The following RIMBP2 variants were observed in gnomAD, a reference collection of about 807,000 sequenced individuals.
RIMBP2 encodes the protein RIMS-binding protein 2.
Under a neutral mutation model 118.6 loss-of-function variants are expected in RIMBP2, and 48 were observed. The ratio of observed to expected loss-of-function variants is 0.40; its 90% CI spans 0.32 to 0.51. The LOEUF (loss-of-function observed/expected upper bound fraction) is 0.51, where lower values mean the gene tolerates loss of function less well. RIMBP2 is among the 20% of genes least tolerant of loss of function. RIMBP2 has a pLI of 0.41. For missense variants in RIMBP2, 1,551 were observed against 1,768.3 expected, an observed-to-expected ratio of 0.88 and a Z score of 2.20; for synonymous variants, 762 against 742.9, an observed-to-expected ratio of 1.03 and a Z score of -0.42.
chr12:130,501,520 G>T (rs2138688803), intron 4 of RIMBP2, among the ~76,000 whole-genome samples: 1 of 152,330 alleles, frequency 6.6e-6, no homozygotes, highest in African/African-American at 2.4e-5. Context: ...GCAGTGCCAT[G>T]TCAGTTTACC....
chr12:130,580,886 G>C (rs1002078734), intron 2 of RIMBP2, among the ~76,000 whole-genome samples: 1 of 152,048 alleles, frequency 6.6e-6, no homozygotes, highest in Admixed American at 6.5e-5. Context: ...GTTGCAGTGA[G>C]CCGAGAAACA....
chr12:130,520,087 G>A (rs1370170334), intron 2 of RIMBP2, among the ~76,000 whole-genome samples: 1 of 152,182 alleles, frequency 6.6e-6, no homozygotes, highest in East Asian at 1.9e-4. Context: ...TTGCAAGAAA[G>A]GAGCACAGGG....
intron 2 of RIMBP2, among the ~76,000 whole-genome samples, chr12:130,594,925 C>T (rs764989245): frequency 6.6e-6 from 1 of 152,192 alleles, no homozygotes; most frequent in Non-Finnish European, 1.5e-5. Flanking sequence ...GGGAGTAATA[C>T]AATGAAACAC....
intron 1 of RIMBP2, among the ~76,000 whole-genome samples, chr12:130,699,424 T>C (rs966432653): frequency 3.9e-5 from 6 of 152,066 alleles, no homozygotes; most frequent in African/African-American, 1.4e-4. Context: ...TCATGTCCTT[T>C]GTAGGGACAT....
In RIMBP2 at chr12:130,669,461, G is replaced by A. The variant is rs189977185; in HGVS notation, c.-351-41005C>T. 1.8e-4 allele frequency among the ~76,000 whole-genome samples: 27 copies of A among 152,142 alleles called. No individual in the cohort carries two copies. The East Asian group carries it at 3.7e-3, about 21-fold the overall frequency. ...GTGGGAGGTGATTGCACCACGGGGCGGTTTCCCCGTGCTGTTCTCGCGAGA... is the reference window on the plus strand; with the variant it reads ...GTGGGAGGTGATTGCACCACGGGGCAGTTTCCCCGTGCTGTTCTCGCGAGA... On this transcript the variant is annotated intron_variant, in intron 1 of 22. Coordinates refer to ENST00000690449, the MANE Select transcript of RIMBP2 (RefSeq NM_001393629.1).
chr12:130,674,600 T>TTTTAA (rs2064356560), intron 1 of RIMBP2, among the ~76,000 whole-genome samples: 1 of 152,230 alleles, frequency 6.6e-6, no homozygotes, highest in South Asian at 2.1e-4. Context: ...TCACGTGGGT[T>TTTTAA]ATTTTAAAAT....
chr12:130,607,399 CG>C (rs142382101), intron 2 of RIMBP2, among the ~76,000 whole-genome samples: 20,234 of 152,032 alleles, frequency 0.13, 1,588 homozygotes, highest in Non-Finnish European at 0.19. Context: ...GTTTAATAGA[CG>C]GGTGCCTCCA....
At chr12:130,531,121 T>G (rs1220560369) in intron 2 of RIMBP2, among the ~76,000 whole-genome samples, 1 of 152,254 alleles carries the variant, frequency 6.6e-6, no homozygotes, top group Non-Finnish European at 1.5e-5. Flanking sequence ...GTGATATATC[T>G]ATGGCCATAG....
chr12:130,404,265 A>G (rs1040553553), intron 21 of RIMBP2, among the ~76,000 whole-genome samples: 8 of 152,206 alleles, frequency 5.3e-5, no homozygotes, highest in African/African-American at 1.9e-4. Flanking sequence ...GCTAGGGGGA[A>G]AAATCATTCA....
intron 2 of RIMBP2, among the ~76,000 whole-genome samples, chr12:130,593,245 A>G (rs887849380): frequency 3.9e-5 from 6 of 152,178 alleles, no homozygotes; most frequent in Non-Finnish European, 5.9e-5. Flanking sequence ...CGCCCTCATC[A>G]TCACAGCACT....
intron 4 of RIMBP2, among the ~76,000 whole-genome samples, chr12:130,505,349 C>G (rs2050198085): frequency 6.6e-6 from 1 of 151,996 alleles, no homozygotes; most frequent in Non-Finnish European, 1.5e-5. Flanking sequence ...GTGTGCAGTG[C>G]CCCATGGTTT....
intron 2 of RIMBP2, among the ~76,000 whole-genome samples, chr12:130,588,964 TG>T (rs1339995544): frequency 3.9e-5 from 6 of 152,206 alleles, no homozygotes; most frequent in African/African-American, 1.4e-4. Flanking sequence ...GAATTCCTTA[TG>T]AAATTAATCT....
Position 130,676,609 on chromosome 12 carries a change from C to T in RIMBP2, c.-352+39613G>A, listed in dbSNP as rs566320743. 1.1e-4 allele frequency among the ~76,000 whole-genome samples: 16 copies of T among 150,356 alleles called. No homozygotes were observed. In the East Asian group the frequency reaches 1.6e-3, roughly 15 times the overall value. On this transcript the variant is annotated intron_variant, in intron 1 of 22. Transcript: ENST00000690449. ...CTGAACTCCAGCCTGGGTGACAGAGCGAGAGTCTGTCTCAAAAAAAAAAAG... is the reference window on the plus strand; with the variant it reads ...CTGAACTCCAGCCTGGGTGACAGAGTGAGAGTCTGTCTCAAAAAAAAAAAG...
At position 130,670,548 on chromosome 12, in the gene RIMBP2, T is replaced by C. The variant is rs1473512448; in HGVS notation, c.-351-42092A>G. On this transcript the variant is annotated intron_variant, in intron 1 of 22. Transcript: ENST00000690449. This position sits in a 1 kb window ranked among gnomAD's most constrained non-coding sequence, Gnocchi z 4.9. ...AGCTCCTTAGCCGACTTTATATATA[T>C]GGAGGTCTCAACATAAAGTTTACAC... Among the ~76,000 whole-genome samples, 1 of 152,082 alleles carries C rather than the reference T, an allele frequency of 6.6e-6. No homozygotes were observed. Among genetic ancestry groups the C allele is most frequent in the Non-Finnish European group, 1.5e-5 (1 of 68,014 alleles).
At chr12:130,631,109 G>T (rs2061968867) in intron 1 of RIMBP2, among the ~76,000 whole-genome samples, 1 of 152,058 alleles carries the variant, frequency 6.6e-6, no homozygotes, top group African/African-American at 2.4e-5. Context: ...TAGAAATAAA[G>T]AATCTAGAGA....
chr12:130,445,037 A>G (rs2078412990), intron 10 of RIMBP2, 123 bp downstream of exon 10: 2 of 635,136 alleles, frequency 3.1e-6, no homozygotes, highest in South Asian at 4.5e-5. Context: ...AGGGTCAGAG[A>G]GGAGGGCTGG....
rs2077136302 is a variant in RIMBP2, at chr12:130,431,306, G to A, written c.2254-2969C>T. 1 of 245,160 alleles carries A rather than the reference G, an allele frequency of 4.1e-6. No homozygotes were observed. Among genetic ancestry groups the A allele is most frequent in the African/African-American group, 2.2e-5 (1 of 44,952 alleles). The allele number at this position is 245,160 out of a possible 1,614,324, so 15.2% of individuals were successfully genotyped here. A position where few individuals can be genotyped will look rare whatever the true frequency, so the allele number is the denominator to read the frequency against. On this transcript the variant is annotated intron_variant, in intron 14 of 22. Coordinates refer to ENST00000690449, the MANE Select transcript of RIMBP2 (RefSeq NM_001393629.1). The surrounding 1 kb of genome is among the most constrained non-coding windows in gnomAD (Gnocchi z 4.0). ...AGATGGGATAGCGCCAGGGGGTAAG[G>A]GCTCATGTGACGGGGCGGGCAGCAT...
chr12:130,673,265 C>T lies in RIMBP2; in HGVS notation c.-352+42957G>A, dbSNP rs150114806. ...ACTCGCGGGCTGGCTCGTCTGCCAA[C>T]CTCATCCTGGATCTGGGACTGGCCG... On this transcript the variant is annotated intron_variant, in intron 1 of 22. Coordinates refer to ENST00000690449, the MANE Select transcript of RIMBP2 (RefSeq NM_001393629.1). Among the ~76,000 whole-genome samples the T allele has an allele frequency of 3.0e-3, 459 of 152,336 alleles. 1 individual carries two copies. The highest frequency in any genetic ancestry group is 9.3e-3 in the African/African-American group (388 of 41,572).
intron 2 of RIMBP2, among the ~76,000 whole-genome samples, chr12:130,554,128 A>G (rs1047840970): frequency 2.6e-5 from 4 of 152,226 alleles, no homozygotes; most frequent in African/African-American, 7.2e-5. Flanking sequence ...GAGAAAGCAT[A>G]TGTAATAGCA....
Sources: gnomAD v4.1 joint callset for allele counts (sites outside exome capture counted in the v4.1 genomes callset) on GRCh38, gnomAD v4.1.1 for gene constraint, Gnocchi (gnomAD v3.1) non-coding constraint, MANE v1.5 for transcripts, NCBI Gene and HGNC (gene_info 2026-07-23, HGNC 2026-07-21) for gene names.